Variants in TSPAN8 observed in about 807,000 individuals in gnomAD.
The protein encoded by TSPAN8 is tetraspanin-8.
TSPAN8 carries 21 observed loss-of-function variants against 32.8 expected under a neutral mutation model. The observed-to-expected ratio is 0.64, with a 90% confidence interval of 0.45 to 0.92. The LOEUF (loss-of-function observed/expected upper bound fraction) is 0.92, where lower values mean the gene tolerates loss of function less well. Ranked by LOEUF, TSPAN8 falls within the 40% of genes least tolerant of loss-of-function variation. TSPAN8 has a pLI of 0.00. For missense variants in TSPAN8, 269 were observed against 281.9 expected (o/e 0.95, Z 0.33); for synonymous variants, 95 against 94.6 (o/e 1.00, Z -0.03).
intron 3 of TSPAN8, among the ~76,000 whole-genome samples, chr12:71,140,262 T>C (rs1871860794): frequency 6.6e-6 from 1 of 152,214 alleles, no homozygotes; most frequent in Non-Finnish European, 1.5e-5. Context: ...CACAACAATA[T>C]GAATTAATTT....
intron 6 of TSPAN8, among the ~76,000 whole-genome samples, chr12:71,133,888 G>A (rs1475636838): frequency 2.0e-5 from 3 of 151,982 alleles, no homozygotes; most frequent in Admixed American, 6.6e-5. Context: ...AAAACACTTC[G>A]TGCAGAAATG....
At chr12:71,131,078 C>G (rs3844207) in intron 7 of TSPAN8, among the ~76,000 whole-genome samples, 59,380 of 151,964 alleles carry the variant, frequency 0.39, 12,661 homozygotes, top group East Asian at 0.57. Context: ...AAACATCTTT[C>G]AGTTGAATTT....
At chr12:71,130,061 T>C (rs1871473808) in intron 7 of TSPAN8, among the ~76,000 whole-genome samples, 1 of 151,510 alleles carries the variant, frequency 6.6e-6, no homozygotes, top group Non-Finnish European at 1.5e-5. Context: ...CAAGTGATCC[T>C]CCCACCTAAT....
At chr12:71,129,548 T>G in intron 7 of TSPAN8, 134 bp from the exon 8 acceptor site, 1 of 963,130 alleles carries the variant, frequency 1.0e-6, no homozygotes, top group Non-Finnish European at 1.4e-6. Context: ...AACTGGGTTA[T>G]TCCTTCCACT....
At chr12:71,151,948 A>G (rs1043439933) in intron 2 of TSPAN8, among the ~76,000 whole-genome samples, 2 of 152,242 alleles carry the variant, frequency 1.3e-5, no homozygotes, top group African/African-American at 4.8e-5. Context: ...GAGTAGGGCT[A>G]AAATTATATT....
chr12:71,143,685 T>G (rs1031919374), intron 3 of TSPAN8, among the ~76,000 whole-genome samples: 2 of 152,170 alleles, frequency 1.3e-5, no homozygotes, highest in African/African-American at 2.4e-5. Flanking sequence ...AAAATACAGA[T>G]TCAAATTATT....
At position 71,157,604 on chromosome 12, in the gene TSPAN8, A is replaced by G. The variant is rs1289576029; in HGVS notation, c.60+15T>C. On this transcript the variant is annotated intron_variant, in intron 2 of 8. Transcript: ENST00000247829. ...TTTCTTGCATAAAATTGATAATTAA[A>G]AGGAAAACACTTACCCAGAACAAGA... 3.8e-6 allele frequency: 6 copies of G among 1,583,650 alleles called. No homozygotes were observed. Among genetic ancestry groups the G allele is most frequent in the Non-Finnish European group, 5.2e-6 (6 of 1,152,734 alleles).
At chr12:71,126,332 G>A (rs1490631718) in intron 8 of TSPAN8, among the ~76,000 whole-genome samples, 1 of 152,140 alleles carries the variant, frequency 6.6e-6, no homozygotes, top group East Asian at 1.9e-4. Flanking sequence ...CATTCAAAAT[G>A]TGCTACAATT....
chr12:71,132,060 A>C (rs901297073), intron 7 of TSPAN8, among the ~76,000 whole-genome samples: 2 of 152,230 alleles, frequency 1.3e-5, no homozygotes, highest in African/African-American at 4.8e-5. Flanking sequence ...TAGGACATCC[A>C]TGTATTGACA....
chr12:71,157,996 C>G lies in TSPAN8; in HGVS notation c.-176G>C, dbSNP rs114123347. The G allele has an allele frequency of 4.0e-3, 1,199 of 300,424 alleles. 16 individuals carry two copies. Among genetic ancestry groups the G allele is most frequent in the African/African-American group, 0.023 (1,101 of 47,128 alleles). The allele number at this position is 300,424 out of a possible 1,614,324, so 18.6% of individuals were successfully genotyped here. On this transcript the variant is annotated 5_prime_UTR_variant, in exon 1 of 9. Transcript: ENST00000247829. ...CCTTTGCTTGTCATAGCTCCTGGGG[C>G]ACTGGGCCAGGATATTTATGATCCT...
intron 6 of TSPAN8, 65 bp downstream of exon 6, chr12:71,137,887 TA>T: frequency 2.7e-6 from 4 of 1,460,814 alleles, no homozygotes; most frequent in Non-Finnish European, 3.7e-6. Context: ...AGGAAGATGT[TA>T]AAAACTAAAC....
At chr12:71,126,665 T>C (rs964690805) in intron 8 of TSPAN8, among the ~76,000 whole-genome samples, 9 of 152,152 alleles carry the variant, frequency 5.9e-5, no homozygotes, top group African/African-American at 1.7e-4. Context: ...TCTAAAAAAA[T>C]GTAAAATTAT....
At position 71,150,965 on chromosome 12, in the gene TSPAN8, A is replaced by T. The variant is rs569425366; in HGVS notation, c.60+6654T>A. Among the ~76,000 whole-genome samples the T allele has an allele frequency of 3.9e-4, 59 of 152,230 alleles. 1 individual carries two copies. The highest frequency in any genetic ancestry group is 6.5e-4 in the Admixed American group (10 of 15,282). On this transcript the variant is annotated intron_variant, in intron 2 of 8. Transcript: ENST00000247829. ...TTAAACCTCTTTTTATTTATAAATT[A>T]CCAGTCTCAGGTATGTCTTTATCAG...
At position 71,129,923 on chromosome 12, in the gene TSPAN8, A is replaced by G. The variant is rs377114063; in HGVS notation, c.577-509T>C. ...AATATTGTAAATTTTCATTTTTAAA[A>G]CAAGGTATTTTCTTTTTTTCTTTCT... On this transcript the variant is annotated intron_variant, in intron 7 of 8. Transcript: ENST00000247829. Among the ~76,000 whole-genome samples the G allele has an allele frequency of 6.0e-5, 9 of 151,184 alleles. No homozygotes were observed. In the East Asian group the frequency reaches 9.7e-4, roughly 16 times the overall value.
At chr12:71,151,068 T>TA (rs1404610994) in intron 2 of TSPAN8, among the ~76,000 whole-genome samples, 2 of 144,160 alleles carry the variant, frequency 1.4e-5, no homozygotes, top group African/African-American at 5.4e-5. Context: ...TGCATCTTAT[T>TA]TTTTTTTTTT....
At chr12:71,138,590 G>A (rs988587478) in intron 4 of TSPAN8, among the ~76,000 whole-genome samples, 7 of 152,070 alleles carry the variant, frequency 4.6e-5, no homozygotes, top group African/African-American at 1.4e-4. Context: ...CTCAGAATTG[G>A]CTTTGAAACA....
At chr12:71,134,658 T>C (rs983590679) in intron 6 of TSPAN8, among the ~76,000 whole-genome samples, 4 of 152,238 alleles carry the variant, frequency 2.6e-5, no homozygotes, top group African/African-American at 9.6e-5. Context: ...TCTGATTACA[T>C]AATCTTGAGT....
At chr12:71,129,281 A>G in intron 8 of TSPAN8, 50 bp downstream of exon 8, 4 of 1,471,878 alleles carry the variant, frequency 2.7e-6, no homozygotes, top group Non-Finnish European at 3.6e-6. Flanking sequence ...CTTGAAATTA[A>G]TGAACAAGCA....
Position 71,148,546 on chromosome 12 carries a change from A to T in TSPAN8, c.61-4333T>A, listed in dbSNP as rs1872146797. On this transcript the variant is annotated intron_variant, in intron 2 of 8. Transcript: ENST00000247829. Reference sequence around the variant, plus strand: ...AGGCACTTGCCATCTGCATACAGGTATGTTTTCAGCTCCACAAAATTTCCA... The same window carrying T: ...AGGCACTTGCCATCTGCATACAGGTTTGTTTTCAGCTCCACAAAATTTCCA... 2.6e-5 allele frequency among the ~76,000 whole-genome samples: 4 copies of T among 152,180 alleles called. No homozygotes were observed. In the South Asian group the frequency reaches 8.3e-4, roughly 31 times the overall value.
Sources: allele counts gnomAD v4.1 joint callset (sites outside exome capture counted in the v4.1 genomes callset), GRCh38; gene constraint gnomAD v4.1.1; transcripts MANE v1.5; gene names NCBI Gene and HGNC (gene_info 2026-07-23, HGNC 2026-07-21).